The following TP63 variants were observed in gnomAD, a reference collection of about 807,000 sequenced individuals.
TP63 encodes tumor protein 63.
Under a neutral mutation model 82.8 loss-of-function variants are expected in TP63, and 17 were observed. That is an observed-to-expected ratio of 0.21 (90% CI 0.14 to 0.31). TP63 has a LOEUF of 0.31. Ranked by LOEUF, TP63 falls within the 10% of genes least tolerant of loss-of-function variation. The pLI, the probability that TP63 is intolerant of heterozygous loss-of-function variation, is 1.00. For missense variants in TP63, 648 were observed against 895.3 expected, an observed-to-expected ratio of 0.72 and a Z score of 3.52; for synonymous variants, 330 against 321.7, an observed-to-expected ratio of 1.03 and a Z score of -0.28.
chr3:189,859,821 A>G (rs892707196), intron 4 of TP63, among the ~76,000 whole-genome samples: 1 of 152,254 alleles, frequency 6.6e-6, no homozygotes, highest in Admixed American at 6.5e-5. Flanking sequence ...CAAAAATACA[A>G]TGGAATGCTG....
intron 5 of TP63, 47 bp from the exon 6 acceptor site, chr3:189,866,635 A>G: frequency 1.3e-6 from 2 of 1,541,710 alleles, no homozygotes; most frequent in Non-Finnish European, 1.8e-6. Context: ...TATTTTCTTT[A>G]TTTTTAAGGT....
chr3:189,732,142 G>A (rs761103767), intron 1 of TP63, among the ~76,000 whole-genome samples: 1 of 152,148 alleles, frequency 6.6e-6, no homozygotes, highest in Non-Finnish European at 1.5e-5. Flanking sequence ...TTAAGGAGGT[G>A]TGTATCAAGT....
At chr3:189,688,371 A>T (rs1716611066) in intron 1 of TP63, among the ~76,000 whole-genome samples, 1 of 152,316 alleles carries the variant, frequency 6.6e-6, no homozygotes, top group East Asian at 1.9e-4. Context: ...GATAAGAAAG[A>T]TTTATACCCT....
chr3:189,757,367 T>A (rs1268029172), intron 3 of TP63, among the ~76,000 whole-genome samples: 1 of 152,186 alleles, frequency 6.6e-6, no homozygotes, highest in Non-Finnish European at 1.5e-5. Flanking sequence ...TTGGGTGACC[T>A]TGGGTGAATT....
At chr3:189,604,843 T>G in the TP63 span, among the ~76,000 whole-genome samples, 1 of 152,244 alleles carries the variant, frequency 6.6e-6, no homozygotes, top group Non-Finnish European at 1.5e-5. Context: ...TTTAAAAGTC[T>G]TGGGAAATAA....
At chr3:189,846,972 C>A (rs1031262752) in intron 4 of TP63, among the ~76,000 whole-genome samples, 3 of 152,064 alleles carry the variant, frequency 2.0e-5, no homozygotes, top group African/African-American at 7.2e-5. Context: ...TGAGCCACCA[C>A]GCTTGGCCTT....
At chr3:189,683,232 A>G (rs1245254557) in intron 1 of TP63, among the ~76,000 whole-genome samples, 1 of 152,206 alleles carries the variant, frequency 6.6e-6, no homozygotes, top group Non-Finnish European at 1.5e-5. Flanking sequence ...TACTGTAGTA[A>G]GTGCTTTATA....
At chr3:189,629,139 A>G (rs1279669706), upstream of TP63, among the ~76,000 whole-genome samples, 1 of 152,150 alleles carries the variant, frequency 6.6e-6, no homozygotes, top group African/African-American at 2.4e-5. Context: ...ACACTTTGGG[A>G]AGCCGGGTCG....
intron 4 of TP63, among the ~76,000 whole-genome samples, chr3:189,838,208 C>G (rs1288011156): frequency 2.0e-5 from 3 of 152,090 alleles, no homozygotes; most frequent in Admixed American, 6.5e-5. Context: ...TTCTTCCTAC[C>G]TTTTTGTTGT....
In TP63 at chr3:189,895,098, C is replaced by CT. The variant is rs1262602619; in HGVS notation, c.*599dup. On this transcript the variant is annotated 3_prime_UTR_variant, in exon 14 of 14. Coordinates refer to ENST00000264731, the MANE Select transcript of TP63 (RefSeq NM_003722.5). ...ATTCTAAATACATGCCACATCAAAC[C>CT]TTTGAGTAGATCCATTTCCATTGCT... 1 of 221,356 alleles carries CT rather than the reference C, an allele frequency of 4.5e-6. No individual in the cohort carries two copies. The allele number at this position is 221,356 out of a possible 1,614,324, so 13.7% of individuals were successfully genotyped here.
intron 12 of TP63, 87 bp downstream of exon 12, chr3:189,889,571 T>A: frequency 6.3e-7 from 1 of 1,579,398 alleles, no homozygotes; most frequent in Non-Finnish European, 8.7e-7. Context: ...CATAAAACAG[T>A]TGGAAGGGAA....
At chr3:189,708,346 T>A (rs1240681536) in intron 1 of TP63, among the ~76,000 whole-genome samples, 2 of 152,184 alleles carry the variant, frequency 1.3e-5, no homozygotes, top group African/African-American at 4.8e-5. Context: ...GAAACCACAA[T>A]CTATCTTTGT....
intron 4 of TP63, among the ~76,000 whole-genome samples, chr3:189,833,427 C>T (rs575733339): frequency 1.3e-5 from 2 of 152,342 alleles, no homozygotes; most frequent in African/African-American, 4.8e-5. Context: ...ACAAGCCCAA[C>T]ACCTCTTACC....
At chr3:189,813,936 T>C (rs1727873595) in intron 4 of TP63, among the ~76,000 whole-genome samples, 1 of 151,872 alleles carries the variant, frequency 6.6e-6, no homozygotes, top group African/African-American at 2.4e-5. Context: ...TTTGCCTTTC[T>C]TAACCATGCC....
chr3:189,761,749 A>G (rs1722589391), intron 3 of TP63, among the ~76,000 whole-genome samples: 1 of 152,208 alleles, frequency 6.6e-6, no homozygotes, highest in African/African-American at 2.4e-5. Context: ...TGATATAGAC[A>G]TATCCGAGAC....
At position 189,825,347 on chromosome 3, in the gene TP63, T is replaced by C. The variant is rs144677969; in HGVS notation, c.579+16821T>C. On this transcript the variant is annotated intron_variant, in intron 4 of 13. Transcript: ENST00000264731. ...AGTGCCAATATTGAGCTAAGTGATA[T>C]AAAAATGGTTATCAATATGAAGTAG... Among the ~76,000 whole-genome samples the C allele has an allele frequency of 4.0e-3, 606 of 152,340 alleles. 3 individuals are homozygous for C. The highest frequency in any genetic ancestry group is 0.014 in the African/African-American group (579 of 41,580).
chr3:189,879,336 C>T (rs1341784071), intron 10 of TP63, among the ~76,000 whole-genome samples: 1 of 152,188 alleles, frequency 6.6e-6, no homozygotes, highest in African/African-American at 2.4e-5. Context: ...GGGTTTATTT[C>T]TGGCATCCTC....
Position 189,805,354 on chromosome 3 carries a change from C to T in TP63, c.325-2918C>T, listed in dbSNP as rs536077860. On this transcript the variant is annotated intron_variant, in intron 3 of 13. Coordinates refer to ENST00000264731, the MANE Select transcript of TP63 (RefSeq NM_003722.5). ...CTTTAAAATTTCCCAGAAAGTATGGCCTCTGTATTTTCTGCTGCTCAGTTT... is the reference window on the plus strand; with the variant it reads ...CTTTAAAATTTCCCAGAAAGTATGGTCTCTGTATTTTCTGCTGCTCAGTTT... Among the ~76,000 whole-genome samples the T allele has an allele frequency of 1.8e-4, 27 of 152,308 alleles. 1 individual carries two copies. Among genetic ancestry groups the T allele is most frequent in the African/African-American group, 6.3e-4 (26 of 41,564 alleles).
At chr3:189,806,617 G>T (rs1401711566) in intron 3 of TP63, among the ~76,000 whole-genome samples, 2 of 152,180 alleles carry the variant, frequency 1.3e-5, no homozygotes, top group African/African-American at 4.8e-5. Context: ...CCTGCCGGGA[G>T]AGAAAGCTGA....
Sources: gnomAD v4.1 joint callset for allele counts (sites outside exome capture counted in the v4.1 genomes callset) on GRCh38, gnomAD v4.1.1 for gene constraint, MANE v1.5 for transcripts, NCBI Gene and HGNC (gene_info 2026-07-23, HGNC 2026-07-21) for gene names.